CPSF4: variants seen among roughly 807,000 people sequenced by gnomAD.
The protein encoded by CPSF4 is cleavage and polyadenylation specific factor 4.
In CPSF4, 11 loss-of-function variants were observed where a neutral mutation model predicts 37.7. The ratio of observed to expected loss-of-function variants is 0.29; its 90% CI spans 0.18 to 0.48. CPSF4 has a LOEUF of 0.48. Ranked by LOEUF, CPSF4 falls within the 20% of genes least tolerant of loss-of-function variation. The pLI is 0.99. For synonymous variants in CPSF4, 132 were observed against 135.9 expected, an observed-to-expected ratio of 0.97 and a Z score of 0.20; for missense variants, 144 against 359.5, an observed-to-expected ratio of 0.40 and a Z score of 4.85.
intron 5 of CPSF4, 125 bp from the exon 6 acceptor site, chr7:99,452,243 T>C (rs1797983403): frequency 2.5e-6 from 2 of 811,774 alleles, no homozygotes; most frequent in Admixed American, 3.9e-5. Context: ...TCAGTCACTT[T>C]GTGCTGGGGC....
chr7:99,439,550 CAGG>C (rs976681879), intron 1 of CPSF4: 6 of 205,450 alleles, frequency 2.9e-5, no homozygotes, highest in Non-Finnish European at 4.9e-5. Flanking sequence ...CACTCGGACT[CAGG>C]AGTTCACTGC....
chr7:99,447,268 TTTC>T, intron 2 of CPSF4, among the ~76,000 whole-genome samples: 2 of 115,906 alleles, frequency 1.7e-5, no homozygotes, highest in South Asian at 4.6e-4. Context: ...TCTTTTTTTT[TTTC>T]TTTTTTTTTT....
intron 2 of CPSF4, among the ~76,000 whole-genome samples, chr7:99,446,982 G>A (rs1584498261): frequency 6.6e-6 from 1 of 151,114 alleles, no homozygotes; most frequent in Middle Eastern, 3.4e-3. Context: ...GTAGAGACAG[G>A]GTTTCATTAT....
At position 99,448,459 on chromosome 7, in the gene CPSF4, CTT is replaced by C. The variant is rs557905583; in HGVS notation, c.307+206_307+207del. ...CAGTGTGGCTATTTTCTGCTCATCT[CTT>C]TTTTTTTTTTTTTTTTTTTAAAGAC... On this transcript the variant is annotated intron_variant, in intron 3 of 7. Coordinates refer to ENST00000292476, the MANE Select transcript of CPSF4 (RefSeq NM_006693.4). This position sits in a 1 kb window ranked among gnomAD's most constrained non-coding sequence, Gnocchi z 4.4. 17,999 of 315,252 alleles carry C rather than the reference CTT, an allele frequency of 0.057. No individual in the cohort carries two copies. Among genetic ancestry groups the C allele is most frequent in the South Asian group, 0.085 (2,142 of 25,182 alleles). The allele number at this position is 315,252 out of a possible 1,614,324, so 19.5% of individuals were successfully genotyped here. A position where few individuals can be genotyped will look rare whatever the true frequency, so the allele number is the denominator to read the frequency against.
At chr7:99,440,674 A>ATTTTTTTTTTTTT (rs1195402168) in intron 1 of CPSF4, among the ~76,000 whole-genome samples, 2 of 88,086 alleles carry the variant, frequency 2.3e-5, no homozygotes, top group South Asian at 4.3e-4. Context: ...ATATATATAT[A>ATTTTTTTTTTTTT]TTTTTTTTTT....
At chr7:99,447,837 C>T in intron 2 of CPSF4, 3 of 500,924 alleles carry the variant, frequency 6.0e-6, no homozygotes, top group South Asian at 4.7e-5. Context: ...GTCTCGATCT[C>T]CTGACCTTGT....
chr7:99,440,675 T>TATATATATATATATATATATATG (rs1491236759), intron 1 of CPSF4, among the ~76,000 whole-genome samples: 66 of 74,714 alleles, frequency 8.8e-4, no homozygotes, highest in African/African-American at 1.1e-3. Flanking sequence ...TATATATATA[T>TATATATATATATATATATATATG]TTTTTTTTTT....
At chr7:99,452,802 C>T (rs536667387) in intron 6 of CPSF4, 2 of 222,114 alleles carry the variant, frequency 9.0e-6, no homozygotes, top group South Asian at 1.6e-4. Flanking sequence ...TGGGTCAGAC[C>T]CTTTATTTTG....
chr7:99,442,787 T>C (rs1797134771), intron 1 of CPSF4: 2 of 681,722 alleles, frequency 2.9e-6, no homozygotes, highest in Non-Finnish European at 5.3e-6. Flanking sequence ...ACCTGCTCCC[T>C]CATTGCAAGG....
rs754489272 is a variant in CPSF4, at chr7:99,450,689, C to T, written c.404-13C>T. On this transcript the variant is annotated splice_polypyrimidine_tract_variant and intron_variant, in intron 4 of 7. Coordinates refer to ENST00000292476, the MANE Select transcript of CPSF4 (RefSeq NM_006693.4). ...GAGGGGACATCTAAGTGACCGGACA[C>T]TTGGCTCTGCAGGTCCCCTCTGCAG... is the stretch of plus-strand genomic sequence containing the variant. 39 of 1,605,382 alleles carry T rather than the reference C, an allele frequency of 2.4e-5. No individual in the cohort carries two copies. The highest frequency in any genetic ancestry group is 3.2e-5 in the Non-Finnish European group (38 of 1,172,218).
At position 99,447,850 on chromosome 7, in the gene CPSF4, T is replaced by TC. The variant is rs1352862522; in HGVS notation, c.155-269dup. On this transcript the variant is annotated intron_variant, in intron 2 of 7. Transcript: ENST00000292476. ...TGGTCTCGATCTCCTGACCTTGTGA[T>TC]CCGCCCACCTCGGCCTTCCAAAGTG... 4 of 515,882 alleles carry TC rather than the reference T, an allele frequency of 7.8e-6. No homozygotes were observed. The East Asian group carries it at 1.9e-4, about 25-fold the overall frequency. The allele number at this position is 515,882 out of a possible 1,614,324, so 32.0% of individuals were successfully genotyped here.
intron 7 of CPSF4, among the ~76,000 whole-genome samples, chr7:99,455,438 C>G (rs1209343911): frequency 6.6e-6 from 1 of 152,340 alleles, no homozygotes; most frequent in Middle Eastern, 3.4e-3. Flanking sequence ...CGGTGGCTCA[C>G]GCCTGTAATC....
chr7:99,445,217 G>T (rs1200640320), intron 2 of CPSF4, among the ~76,000 whole-genome samples: 2 of 152,146 alleles, frequency 1.3e-5, no homozygotes, highest in African/African-American at 4.8e-5. Flanking sequence ...CTGGCTCATG[G>T]TTTTCTGTGG....
chr7:99,450,318 C>A lies in CPSF4; in HGVS notation c.350C>A (p.Pro117His). 1 of 1,614,002 alleles carries A rather than the reference C, an allele frequency of 6.2e-7. No homozygotes were observed. The highest frequency in any genetic ancestry group is 8.5e-7 in the Non-Finnish European group (1 of 1,179,942). The change falls in exon 4 of 8, where the codon CCC becomes CAC. Residue 117 changes from proline (P) to histidine (H), a missense_variant. Transcript: ENST00000292476. ...GAATGTCCCTTCCTGCACATCGACCCCGAGTCCAAGATCAAGGACTGTCCT... is the reference window on the plus strand; with the variant it reads ...GAATGTCCCTTCCTGCACATCGACCACGAGTCCAAGATCAAGGACTGTCCT... The part of the protein sequence containing the change: ...NKECPFLHID[P>H]ESKIKDCPWY...
At position 99,450,492 on chromosome 7, in the gene CPSF4, G is replaced by A. The variant is rs751677015; in HGVS notation, c.403+121G>A. ...CAAAACCTGACATTCTGCAGCTAGC[G>A]GCTTTCTCACACTCCTCATCTCCCT... On this transcript the variant is annotated intron_variant, in intron 4 of 7. Transcript: ENST00000292476. 2.4e-5 allele frequency: 19 copies of A among 778,844 alleles called. No individual in the cohort carries two copies. In the South Asian group the frequency reaches 2.5e-4, roughly 10 times the overall value. The allele number at this position is 778,844 out of a possible 1,614,324, so 48.2% of individuals were successfully genotyped here. A position where few individuals can be genotyped will look rare whatever the true frequency, so the allele number is the denominator to read the frequency against.
Position 99,450,367 on chromosome 7 carries a change from G to A in CPSF4, c.399G>A (p.Lys133=), listed in dbSNP as rs1257419468. Residue 133 remains lysine (K), a synonymous_variant, in exon 4 of 8, where the codon AAG becomes AAA. Transcript: ENST00000292476. ...DCPWYDRGFC[K]HGPLCRHRHT... is the part of the protein sequence containing the mutation. Reference sequence around the variant, plus strand: ...CTTGGTATGACCGTGGCTTCTGCAAGCACGGTAGGTGCCAGGGTGGGCTGG... The same window carrying A: ...CTTGGTATGACCGTGGCTTCTGCAAACACGGTAGGTGCCAGGGTGGGCTGG... 14 of 1,609,894 alleles carry A rather than the reference G, an allele frequency of 8.7e-6. No homozygotes were observed. Among genetic ancestry groups the A allele is most frequent in the Non-Finnish European group, 1.2e-5 (14 of 1,176,690 alleles).
intron 1 of CPSF4, chr7:99,441,617 G>C (rs1380411201): frequency 4.5e-6 from 2 of 440,410 alleles, no homozygotes; most frequent in African/African-American, 2.0e-5. Context: ...ATGAGACTCA[G>C]TTCCCAGAAC....
At chr7:99,451,092 T>C (rs1451616730) in intron 5 of CPSF4, 2 of 287,912 alleles carry the variant, frequency 6.9e-6, no homozygotes, top group East Asian at 6.3e-5. Context: ...TTTAGGGAAT[T>C]TGGGGACTTC....
intron 7 of CPSF4, 125 bp downstream of exon 7, chr7:99,454,261 A>G (rs1279234055): frequency 1.6e-5 from 15 of 916,244 alleles, no homozygotes; most frequent in Non-Finnish European, 2.4e-5. Flanking sequence ...TTGTAAGCAT[A>G]AAGTTACAGT....
Sources: gnomAD v4.1 joint callset for allele counts (sites outside exome capture counted in the v4.1 genomes callset) on GRCh38, gnomAD v4.1.1 for gene constraint, Gnocchi (gnomAD v3.1) non-coding constraint, MANE v1.5 for transcripts, NCBI Gene and HGNC (gene_info 2026-07-23, HGNC 2026-07-21) for gene names.